Variants in KLRD1 observed in about 807,000 individuals in gnomAD.
KLRD1 encodes the protein killer cell lectin like receptor D1, also known as natural killer cells antigen CD94.
Under a neutral mutation model 22.6 loss-of-function variants are expected in KLRD1, and 21 were observed. The observed-to-expected ratio is 0.93, with a 90% CI of 0.66 to 1.34. The LOEUF (loss-of-function observed/expected upper bound fraction) is 1.34, where lower values mean the gene tolerates loss of function less well. KLRD1 is among the 40% of genes most tolerant of loss of function. The pLI is 0.00. For missense variants in KLRD1, 183 were observed against 208.6 expected (o/e 0.88, Z 0.76); for synonymous variants, 59 against 71.1 (o/e 0.83, Z 0.85).
chr12:10,255,713 T>G (rs1949389139), intron 1 of KLRD1, among the ~76,000 whole-genome samples: 1 of 152,190 alleles, frequency 6.6e-6, no homozygotes. Flanking sequence ...ATGAGTTTAC[T>G]CTTTTAAAAT....
chr12:10,296,094 T>C (rs1190164214), intron 1 of KLRD1, among the ~76,000 whole-genome samples: 2 of 152,210 alleles, frequency 1.3e-5, no homozygotes, highest in Non-Finnish European at 2.9e-5. Flanking sequence ...GGGTCCATTA[T>C]TTTAAGAAAG....
Position 10,325,404 on chromosome 12 carries a change from A to C in KLRD1, c.*10611A>C, listed in dbSNP as rs1950351426. On this transcript the variant is annotated 3_prime_UTR_variant, in exon 6 of 6. Coordinates refer to ENST00000336164, the MANE Select transcript of KLRD1 (RefSeq NM_002262.5). ...CAACATAAGATCTATCCTCTTAACA[A>C]ATTTTCAAGTCTACAGTACAGTATT... The C allele has an allele frequency of 6.6e-6, 1 of 152,144 alleles. No homozygotes were observed. Among genetic ancestry groups the C allele is most frequent in the African/African-American group, 2.4e-5 (1 of 41,440 alleles). 9.4% of individuals were successfully genotyped at this position (152,144 alleles called of 1,614,324 possible).
rs1950373125 is a variant in KLRD1 at position 10,327,656 on chromosome 12, G to A, written c.*12863G>A. On this transcript the variant is annotated 3_prime_UTR_variant, in exon 6 of 6. Transcript: ENST00000336164. ...GTACTTCTTCTTTTACAATCTGTAT[G>A]TTGTTAATTTCTTTTCCTTGCCTAA... 2 of 152,152 alleles carry A rather than the reference G, an allele frequency of 1.3e-5. No individual in the cohort carries two copies. Among genetic ancestry groups the A allele is most frequent in the African/African-American group, 4.8e-5 (2 of 41,442 alleles). The allele number at this position is 152,152 out of a possible 1,614,324, so 9.4% of individuals were successfully genotyped here. A position where few individuals can be genotyped will look rare whatever the true frequency, so the allele number is the denominator to read the frequency against.
chr12:10,300,694 C>G (rs1430880090), upstream of KLRD1, among the ~76,000 whole-genome samples: 2 of 152,174 alleles, frequency 1.3e-5, no homozygotes, highest in African/African-American at 4.8e-5. Context: ...TAGGCATCAC[C>G]TACTCTGTTC....
chr12:10,265,215 T>C (rs1193243478), intron 1 of KLRD1, among the ~76,000 whole-genome samples: 1 of 151,898 alleles, frequency 6.6e-6, no homozygotes, highest in African/African-American at 2.4e-5. Flanking sequence ...TTGAGGAACT[T>C]ATTTTATCAT....
chr12:10,255,771 T>A (rs1949389486), intron 1 of KLRD1, among the ~76,000 whole-genome samples: 1 of 152,204 alleles, frequency 6.6e-6, no homozygotes, highest in African/African-American at 2.4e-5. Flanking sequence ...TCCTGAAGAA[T>A]TCTCCATGTG....
intron 1 of KLRD1, among the ~76,000 whole-genome samples, chr12:10,298,577 C>T (rs139397087): frequency 2.4e-3 from 370 of 152,338 alleles, no homozygotes; most frequent in Middle Eastern, 0.01. Context: ...ATGGCCTTGA[C>T]GCCTATGCTG....
At chr12:10,310,031 T>C (rs887628031) in intron 3 of KLRD1, among the ~76,000 whole-genome samples, 1 of 152,228 alleles carries the variant, frequency 6.6e-6, no homozygotes, top group Non-Finnish European at 1.5e-5. Context: ...CCTATACTTT[T>C]GCATCTCACT....
intron 1 of KLRD1, among the ~76,000 whole-genome samples, chr12:10,268,369 C>G (rs1289602394): frequency 6.6e-6 from 1 of 152,042 alleles, no homozygotes; most frequent in Non-Finnish European, 1.5e-5. Context: ...AGGACCAGGG[C>G]TGGGAATATA....
Position 10,315,053 on chromosome 12 carries a change from T to C in KLRD1, c.*260T>C. ...TGTATATATTTAATGTTAAATTCAATGTAGTTTTATTACACATTTATGTAA... is the reference window on the plus strand; with the variant it reads ...TGTATATATTTAATGTTAAATTCAACGTAGTTTTATTACACATTTATGTAA... On this transcript the variant is annotated 3_prime_UTR_variant, in exon 6 of 6. Transcript: ENST00000336164. The C allele has an allele frequency of 6.9e-6, 2 of 290,858 alleles. No individual in the cohort carries two copies. Among genetic ancestry groups the C allele is most frequent in the Non-Finnish European group, 1.3e-5 (2 of 156,412 alleles). 18.0% of individuals were successfully genotyped at this position (290,858 alleles called of 1,614,324 possible).
intron 1 of KLRD1, among the ~76,000 whole-genome samples, chr12:10,268,597 C>T (rs529471388): frequency 4.6e-5 from 7 of 152,026 alleles, no homozygotes; most frequent in Non-Finnish European, 8.8e-5. Flanking sequence ...GATAAGAAAG[C>T]GCGTCATCTG....
intron 1 of KLRD1, among the ~76,000 whole-genome samples, chr12:10,258,967 G>T (rs1429451574): frequency 6.6e-6 from 1 of 152,180 alleles, no homozygotes; most frequent in African/African-American, 2.4e-5. Context: ...AGCAAAAGGA[G>T]CAATGAGCAG....
chr12:10,263,450 T>C (rs1592037724), intron 1 of KLRD1, among the ~76,000 whole-genome samples: 1 of 152,188 alleles, frequency 6.6e-6, no homozygotes, highest in East Asian at 1.9e-4. Context: ...AATCTGGCAC[T>C]AGAGATGGCA....
chr12:10,301,502 C>T (rs1424013734), upstream of KLRD1, among the ~76,000 whole-genome samples: 1 of 152,196 alleles, frequency 6.6e-6, no homozygotes, highest in Non-Finnish European at 1.5e-5. Flanking sequence ...TTGCCCAGAA[C>T]AGCTTCACAA....
At chr12:10,304,877 A>C (rs1949899775), upstream of KLRD1, among the ~76,000 whole-genome samples, 1 of 152,320 alleles carries the variant, frequency 6.6e-6, no homozygotes, top group East Asian at 1.9e-4. Context: ...TTACCAGGTC[A>C]GTAACGTCTT....
chr12:10,245,212 G>T (rs967702240), intron 1 of KLRD1, among the ~76,000 whole-genome samples: 1 of 152,116 alleles, frequency 6.6e-6, no homozygotes, highest in South Asian at 2.1e-4. Flanking sequence ...ACAAAAATTA[G>T]CAGGGCATGG....
chr12:10,311,348 C>G, intron 3 of KLRD1, 116 bp from the exon 4 acceptor site: 1 of 912,018 alleles, frequency 1.1e-6, no homozygotes, highest in East Asian at 2.6e-5. Context: ...GTGGTGTATA[C>G]AGTAGATTCT....
upstream of KLRD1, among the ~76,000 whole-genome samples, chr12:10,304,907 CCTCT>C (rs1335402305): frequency 6.6e-6 from 1 of 151,998 alleles, no homozygotes; most frequent in Non-Finnish European, 1.5e-5. Flanking sequence ...CTCAGGGAGC[CCTCT>C]CTCTCTGTTA....
chr12:10,309,446 G>A lies in KLRD1; in HGVS notation c.66G>A (p.Ser22=), dbSNP rs201930748. ...ISGTLGIICL[S]LMSTLGILLK... Reference sequence around the variant, plus strand: ...GGACCTTAGGGATAATATGCCTTTCGTTGATGTCTACGTTGGGAATTTTGT... The same window carrying A: ...GGACCTTAGGGATAATATGCCTTTCATTGATGTCTACGTTGGGAATTTTGT... Residue 22 remains serine (S), a synonymous_variant, in exon 2 of 6, where the codon TCG becomes TCA. Transcript: ENST00000336164. 22 of 1,554,508 alleles carry A rather than the reference G, an allele frequency of 1.4e-5. No individual in the cohort carries two copies. Among genetic ancestry groups the A allele is most frequent in the East Asian group, 2.2e-5 (1 of 44,568 alleles).
Sources: gnomAD v4.1 joint callset for allele counts (sites outside exome capture counted in the v4.1 genomes callset) on GRCh38, gnomAD v4.1.1 for gene constraint, MANE v1.5 for transcripts, NCBI Gene and HGNC (gene_info 2026-07-23, HGNC 2026-07-21) for gene names.